SUCLG2: variants seen among roughly 807,000 people sequenced by gnomAD.
The protein encoded by SUCLG2 is succinate--CoA ligase [GDP-forming] subunit beta, mitochondrial.
Under a neutral mutation model 47.9 loss-of-function variants are expected in SUCLG2, and 42 were observed. That is an observed-to-expected ratio of 0.88 (90% confidence interval 0.69 to 1.14). The LOEUF is 1.14. Among genes scored for constraint, SUCLG2 ranks in the 50% most tolerant of loss-of-function variants. SUCLG2 has a pLI of 0.00. For missense variants in SUCLG2, 571 were observed against 525.9 expected (o/e 1.09, Z -0.84); for synonymous variants, 195 against 197.3 (o/e 0.99, Z 0.10).
chr3:67,561,809 C>G (rs933603852), intron 2 of SUCLG2, among the ~76,000 whole-genome samples: 24 of 152,136 alleles, frequency 1.6e-4, no homozygotes, highest in Admixed American at 1.6e-3. Context: ...ATTCTTTATT[C>G]CTGTACATAC....
chr3:67,428,399 A>C (rs1470745333), intron 9 of SUCLG2, among the ~76,000 whole-genome samples: 1 of 152,206 alleles, frequency 6.6e-6, no homozygotes. Context: ...TTAGAAGGAA[A>C]ACTAACAAAC....
intron 10 of SUCLG2, among the ~76,000 whole-genome samples, chr3:67,397,153 G>C (rs12107788): frequency 0.19 from 28,741 of 151,494 alleles, 2,826 homozygotes; most frequent in Admixed American, 0.28. Flanking sequence ...ATTCAACATA[G>C]TGTTGGAAGT....
intron 7 of SUCLG2, among the ~76,000 whole-genome samples, chr3:67,507,046 GA>G (rs1000240619): frequency 1.3e-5 from 2 of 152,090 alleles, no homozygotes; most frequent in African/African-American, 4.8e-5. Context: ...ATAAAATGGG[GA>G]TAACAACTCC....
chr3:67,624,261 T>C (rs1700784713), intron 1 of SUCLG2, among the ~76,000 whole-genome samples: 1 of 152,098 alleles, frequency 6.6e-6, no homozygotes, highest in Non-Finnish European at 1.5e-5. Context: ...AAATGACTTG[T>C]AGAGTAGGAA....
intron 9 of SUCLG2, among the ~76,000 whole-genome samples, chr3:67,480,531 A>C (rs1395267755): frequency 6.6e-6 from 1 of 152,234 alleles, no homozygotes; most frequent in African/African-American, 2.4e-5. Context: ...CTATGATGGC[A>C]GGAGCCTCCA....
At chr3:67,619,357 A>G (rs914296172) in intron 1 of SUCLG2, among the ~76,000 whole-genome samples, 19 of 152,216 alleles carry the variant, frequency 1.2e-4, no homozygotes, top group Admixed American at 5.2e-4. Flanking sequence ...GCTCAGGGTG[A>G]CACAGCTGGT....
chr3:67,420,832 C>G (rs910458430), intron 9 of SUCLG2, among the ~76,000 whole-genome samples: 3 of 152,098 alleles, frequency 2.0e-5, no homozygotes, highest in Non-Finnish European at 2.9e-5. Context: ...AAAGAAGGTG[C>G]TTGTTGTGTG....
Position 67,529,100 on chromosome 3 carries a change from G to C in SUCLG2, c.313C>G (p.His105Asp). Residue 105 changes from histidine (H) to aspartate (D), a missense_variant, in exon 3 of 11, where the codon CAT (histidine) becomes GAT (aspartate). His to Asp is a moderately conservative substitution (Grantham distance 81). Coordinates refer to ENST00000307227, the MANE Select transcript of SUCLG2 (RefSeq NM_003848.4). Reference sequence around the variant, plus strand: ...CTCCAGACTTACTCTTTTGTTAAATGAACACCTCCTTTCAAACCACTATTG... The same window carrying C: ...CTCCAGACTTACTCTTTTGTTAAATCAACACCTCCTTTCAAACCACTATTG... ...VFNSGLKGGV[H>D]LTKDPNVVGQ... 6.2e-7 allele frequency: 1 copy of C among 1,611,440 alleles called. No individual in the cohort carries two copies. Among genetic ancestry groups the C allele is most frequent in the African/African-American group, 1.3e-5 (1 of 74,886 alleles).
At chr3:67,406,481 G>T (rs1350413339) in intron 9 of SUCLG2, among the ~76,000 whole-genome samples, 1 of 152,182 alleles carries the variant, frequency 6.6e-6, no homozygotes, top group Non-Finnish European at 1.5e-5. Flanking sequence ...GCCTCTCATA[G>T]GCAGAGACAT....
chr3:67,431,331 A>C (rs1703473780), intron 9 of SUCLG2, among the ~76,000 whole-genome samples: 1 of 152,194 alleles, frequency 6.6e-6, no homozygotes, highest in African/African-American at 2.4e-5. Flanking sequence ...TCCATCACAT[A>C]AACAAAACTG....
At chr3:67,586,359 T>G (rs555074291) in intron 2 of SUCLG2, among the ~76,000 whole-genome samples, 1 of 152,244 alleles carries the variant, frequency 6.6e-6, no homozygotes, top group Admixed American at 6.5e-5. Context: ...TGGAACAACC[T>G]AGACTGCATG....
downstream of SUCLG2, among the ~76,000 whole-genome samples, chr3:67,371,838 A>G (rs1701959672): frequency 1.3e-5 from 2 of 152,212 alleles, no homozygotes; most frequent in African/African-American, 2.4e-5. Flanking sequence ...GACTCGCCAC[A>G]TGCTAGTTTT....
intron 9 of SUCLG2, among the ~76,000 whole-genome samples, chr3:67,423,321 C>T (rs77706024): frequency 0.012 from 1,779 of 152,228 alleles, 35 homozygotes; most frequent in African/African-American, 0.04. Flanking sequence ...CCTGGCCATG[C>T]GGAACTGTGA....
chr3:67,365,777 G>A (rs903478670), intron 10 of SUCLG2, among the ~76,000 whole-genome samples: 3 of 152,126 alleles, frequency 2.0e-5, no homozygotes, highest in Admixed American at 6.5e-5. Flanking sequence ...ATTTCTTGAC[G>A]ATTTTTAAAC....
chr3:67,646,690 T>C (rs749574920), intron 1 of SUCLG2, among the ~76,000 whole-genome samples: 3 of 151,942 alleles, frequency 2.0e-5, no homozygotes, highest in Non-Finnish European at 4.4e-5. Flanking sequence ...ATATAAGTAA[T>C]TGTCACAAGA....
chr3:67,540,461 C>T (rs1243042610), intron 2 of SUCLG2, among the ~76,000 whole-genome samples: 3 of 152,008 alleles, frequency 2.0e-5, no homozygotes, highest in Non-Finnish European at 4.4e-5. Context: ...CCCACCGCAG[C>T]GTGGCAAAGT....
intron 10 of SUCLG2, among the ~76,000 whole-genome samples, chr3:67,397,637 A>G (rs1702576781): frequency 6.6e-6 from 1 of 152,112 alleles, no homozygotes. Context: ...TCAAGCTACC[A>G]ATGACTTTCT....
chr3:67,581,545 G>T (rs771512110), intron 2 of SUCLG2, among the ~76,000 whole-genome samples: 2 of 152,206 alleles, frequency 1.3e-5, no homozygotes, highest in African/African-American at 4.8e-5. Context: ...TATTTACTGA[G>T]CACTTTCCTG....
chr3:67,375,118 T>A lies in SUCLG2; in HGVS notation c.*626A>T. 1 of 985,688 alleles carries A rather than the reference T, an allele frequency of 1.0e-6. No homozygotes were observed. The highest frequency in any genetic ancestry group is 1.2e-6 in the Non-Finnish European group (1 of 829,818). 61.1% of individuals were successfully genotyped at this position (985,688 alleles called of 1,614,324 possible). On this transcript the variant is annotated 3_prime_UTR_variant, in exon 11 of 11. Transcript: ENST00000307227. ...GTATATTCAATATTAAGGCAAATGGTAAAAACACATGGATGGTATATTAAT... is the reference window on the plus strand; with the variant it reads ...GTATATTCAATATTAAGGCAAATGGAAAAAACACATGGATGGTATATTAAT...
Sources: gnomAD v4.1 joint callset for allele counts (sites outside exome capture counted in the v4.1 genomes callset) on GRCh38, gnomAD v4.1.1 for gene constraint, MANE v1.5 for transcripts, NCBI Gene and HGNC (gene_info 2026-07-23, HGNC 2026-07-21) for gene names.